The following IL1RAPL2 variants were observed in gnomAD, a reference collection of about 807,000 sequenced individuals.
The protein encoded by IL1RAPL2 is X-linked interleukin-1 receptor accessory protein-like 2.
A neutral mutation model predicts 44.1 loss-of-function variants in IL1RAPL2; 3 were observed. The observed-to-expected ratio is 0.07, with a 90% CI of 0.03 to 0.18. The LOEUF (loss-of-function observed/expected upper bound fraction) is 0.18, where lower values mean the gene tolerates loss of function less well. IL1RAPL2 is among the 10% of genes least tolerant of loss of function. The pLI is 1.00. For synonymous variants in IL1RAPL2, 181 were observed against 178.8 expected (o/e 1.01, Z -0.10); for missense variants, 391 against 496.4 (o/e 0.79, Z 2.02).
chrX:104,772,109 C>T (rs190484917), intron 2 of IL1RAPL2, among the ~76,000 whole-genome samples: 11 of 111,231 alleles, frequency 9.9e-5, no homozygotes, highest in Admixed American at 3.8e-4. Flanking sequence ...GGCTAAAATA[C>T]AGTTTCAAGT....
chrX:105,051,347 C>A (rs747417127), intron 2 of IL1RAPL2, among the ~76,000 whole-genome samples: 1 of 112,675 alleles, frequency 8.9e-6, no homozygotes, highest in African/African-American at 3.2e-5. Context: ...TCCTGTGCCT[C>A]GGAGGGCAGC....
chrX:105,186,247 A>C (rs1373650637), intron 2 of IL1RAPL2, among the ~76,000 whole-genome samples: 1 of 111,038 alleles, frequency 9.0e-6, no homozygotes, highest in East Asian at 2.8e-4. Flanking sequence ...TTTCTGATCT[A>C]GGAGGTACTG....
intron 5 of IL1RAPL2, among the ~76,000 whole-genome samples, chrX:105,403,650 T>A (rs970225803): frequency 1.6e-4 from 18 of 111,813 alleles, no homozygotes; most frequent in Non-Finnish European, 3.0e-4. Flanking sequence ...TTTGGTTTAA[T>A]GTTCATGTCT....
intron 2 of IL1RAPL2, among the ~76,000 whole-genome samples, chrX:105,137,895 G>A (rs1270590300): frequency 1.8e-5 from 2 of 110,827 alleles, no homozygotes; most frequent in East Asian, 2.9e-4. Flanking sequence ...GTGGGACCTC[G>A]TCTGTACAAA....
At chrX:105,662,692 G>A (rs210555) in intron 6 of IL1RAPL2, among the ~76,000 whole-genome samples, 1 of 111,271 alleles carries the variant, frequency 9.0e-6, no homozygotes, top group African/African-American at 3.3e-5. Flanking sequence ...CTCTCAGGTC[G>A]TTTGCGCAGA....
intron 2 of IL1RAPL2, among the ~76,000 whole-genome samples, chrX:104,724,679 G>A (rs1239479041): frequency 9.0e-6 from 1 of 111,357 alleles, no homozygotes; most frequent in Admixed American, 9.6e-5. Flanking sequence ...ATCTATAAAG[G>A]AGCAGCAAAT....
intron 2 of IL1RAPL2, among the ~76,000 whole-genome samples, chrX:105,078,697 G>A (rs1451437683): frequency 9.7e-6 from 1 of 102,815 alleles, no homozygotes; most frequent in Non-Finnish European, 2.0e-5. Context: ...CGAGCTTCCT[G>A]GCCGCTTTGT....
chrX:104,794,615 C>T (rs905124950), intron 2 of IL1RAPL2, among the ~76,000 whole-genome samples: 1 of 111,699 alleles, frequency 9.0e-6, no homozygotes, highest in Non-Finnish European at 1.9e-5. Flanking sequence ...AATAGGTGAA[C>T]TTAGTTGGAG....
At chrX:105,332,118 G>A (rs1264307107) in intron 5 of IL1RAPL2, among the ~76,000 whole-genome samples, 4 of 110,133 alleles carry the variant, frequency 3.6e-5, no homozygotes, top group African/African-American at 1.3e-4. Context: ...AGAAGCAAAT[G>A]CAGGTATCGC....
intron 2 of IL1RAPL2, among the ~76,000 whole-genome samples, chrX:104,968,391 A>G (rs1031075664): frequency 8.9e-6 from 1 of 111,995 alleles, no homozygotes; most frequent in Admixed American, 9.5e-5. Flanking sequence ...AATAGAAGCA[A>G]CTGATAAATT....
At chrX:104,789,657 T>A (rs754495145) in intron 2 of IL1RAPL2, among the ~76,000 whole-genome samples, 8 of 112,392 alleles carry the variant, frequency 7.1e-5, no homozygotes, top group Non-Finnish European at 1.3e-4. Context: ...GGGAGAAATA[T>A]GCCTCATGAA....
intron 6 of IL1RAPL2, among the ~76,000 whole-genome samples, chrX:105,628,193 A>G (rs909056480): frequency 4.5e-5 from 5 of 110,525 alleles, no homozygotes; most frequent in Non-Finnish European, 7.6e-5. Flanking sequence ...TTTTTTTATT[A>G]TACTTTAAGT....
chrX:104,674,594 GA>G (rs1194747201), intron 2 of IL1RAPL2, among the ~76,000 whole-genome samples: 2 of 111,213 alleles, frequency 1.8e-5, no homozygotes, highest in East Asian at 5.7e-4. Flanking sequence ...TTTGGTATCA[GA>G]ATTATGCTGG....
chrX:104,934,020 T>A (rs1475103441), intron 2 of IL1RAPL2, among the ~76,000 whole-genome samples: 3 of 111,948 alleles, frequency 2.7e-5, no homozygotes, highest in Non-Finnish European at 5.6e-5. Context: ...AAAAATGGGT[T>A]TTTAAAGGAA....
At chrX:105,321,667 A>C (rs1432474699) in intron 5 of IL1RAPL2, among the ~76,000 whole-genome samples, 1 of 112,199 alleles carries the variant, frequency 8.9e-6, no homozygotes, top group East Asian at 2.8e-4. Context: ...TTATGGATTG[A>C]ATTAACACCT....
chrX:104,737,737 T>C (rs1264308788), intron 2 of IL1RAPL2, among the ~76,000 whole-genome samples: 4 of 112,068 alleles, frequency 3.6e-5, no homozygotes, highest in African/African-American at 1.3e-4. Context: ...AGTATTTTAT[T>C]ATTCATAGAC....
rs935997361 is a variant in IL1RAPL2, at chrX:104,736,746, A to G, written c.82+77751A>G. Among the ~76,000 whole-genome samples the G allele has an allele frequency of 2.7e-5, 3 of 112,291 alleles. No homozygotes were observed. In the Admixed American group the frequency reaches 2.8e-4, roughly 11 times the overall value. On this transcript the variant is annotated intron_variant, in intron 2 of 10. Coordinates refer to ENST00000372582, the MANE Select transcript of IL1RAPL2 (RefSeq NM_017416.2). ...AGATTCTGACCAAATTTTTGCCAAG[A>G]GCCTAAAGTTCCTTGGAGGAATGGT... is the stretch of plus-strand genomic sequence containing the variant.
intron 2 of IL1RAPL2, among the ~76,000 whole-genome samples, chrX:105,066,574 G>A (rs1015585178): frequency 9.0e-6 from 1 of 111,193 alleles, no homozygotes; most frequent in Non-Finnish European, 1.9e-5. Context: ...GTACCAACTT[G>A]AATTTAAAAA....
chrX:105,617,078 A>C (rs777108528), intron 6 of IL1RAPL2, among the ~76,000 whole-genome samples: 43 of 110,485 alleles, frequency 3.9e-4, no homozygotes, highest in Non-Finnish European at 7.6e-4. Flanking sequence ...ACATACATAC[A>C]ATACTTAATG....
Sources: gnomAD v4.1 joint callset for allele counts (sites outside exome capture counted in the v4.1 genomes callset) on GRCh38, gnomAD v4.1.1 for gene constraint, MANE v1.5 for transcripts, NCBI Gene and HGNC (gene_info 2026-07-23, HGNC 2026-07-21) for gene names.